APP: variants seen among roughly 807,000 people sequenced by gnomAD.
APP encodes amyloid beta precursor protein.
APP carries 31 observed loss-of-function variants against 101.4 expected under a neutral mutation model. The observed-to-expected ratio is 0.31, with a 90% CI of 0.23 to 0.41. The LOEUF is 0.41. Ranked by LOEUF, APP falls within the 10% of genes least tolerant of loss-of-function variation. APP has a pLI of 1.00. For synonymous variants in APP, 366 were observed against 364.4 expected, an observed-to-expected ratio of 1.00 and a Z score of -0.05; for missense variants, 839 against 1,003.7, an observed-to-expected ratio of 0.84 and a Z score of 2.22.
chr21:26,002,788 T>A (rs1601173010), intron 6 of APP, among the ~76,000 whole-genome samples: 1 of 125,812 alleles, frequency 7.9e-6, no homozygotes. Flanking sequence ...AAAAGTATCA[T>A]CTTAGAGTAC....
intron 16 of APP, among the ~76,000 whole-genome samples, chr21:25,897,057 C>CT (rs573413089): frequency 6.6e-5 from 10 of 152,278 alleles, no homozygotes; most frequent in South Asian, 2.1e-4. Flanking sequence ...ATTAATTCCA[C>CT]TTTAAGTCCC....
At chr21:26,094,260 A>G (rs1275804849) in intron 2 of APP, among the ~76,000 whole-genome samples, 3 of 152,308 alleles carry the variant, frequency 2.0e-5, no homozygotes, top group Non-Finnish European at 4.4e-5. Flanking sequence ...TTTTCCAAAC[A>G]TAATGCAATT....
chr21:26,146,734 A>G (rs923225068), intron 1 of APP, among the ~76,000 whole-genome samples: 1 of 152,186 alleles, frequency 6.6e-6, no homozygotes, highest in Non-Finnish European at 1.5e-5. Context: ...TTTTCATAAT[A>G]AGTTTTCAAA....
intron 8 of APP, among the ~76,000 whole-genome samples, chr21:25,984,358 A>C (rs1168914411): frequency 6.6e-6 from 1 of 152,212 alleles, no homozygotes; most frequent in East Asian, 1.9e-4. Context: ...CAGGATCACA[A>C]AGTGCAACCT....
At chr21:25,964,418 G>GA (rs1377373567) in intron 11 of APP, among the ~76,000 whole-genome samples, 1 of 152,120 alleles carries the variant, frequency 6.6e-6, no homozygotes, top group Non-Finnish European at 1.5e-5. Context: ...AGAAATTGCA[G>GA]AAAGAGGAGA....
chr21:25,885,615 G>A (rs1189672589), intron 17 of APP, among the ~76,000 whole-genome samples: 1 of 152,114 alleles, frequency 6.6e-6, no homozygotes, highest in Non-Finnish European at 1.5e-5. Flanking sequence ...CTCTCGGTAC[G>A]CTGCACCTTC....
intron 17 of APP, among the ~76,000 whole-genome samples, chr21:25,891,465 G>A (rs1039468211): frequency 6.6e-6 from 1 of 151,626 alleles, no homozygotes; most frequent in African/African-American, 2.4e-5. Flanking sequence ...ATTATCATTT[G>A]TATTATTTTG....
chr21:25,964,845 C>T (rs2041729642), intron 11 of APP, among the ~76,000 whole-genome samples: 1 of 152,166 alleles, frequency 6.6e-6, no homozygotes, highest in African/African-American at 2.4e-5. Flanking sequence ...GGTGATCCAC[C>T]CGCCTTGGCC....
intron 3 of APP, among the ~76,000 whole-genome samples, chr21:26,062,586 G>A (rs889989152): frequency 8.0e-5 from 11 of 138,216 alleles, no homozygotes; most frequent in South Asian, 2.5e-4. Flanking sequence ...CGCCTGAGCC[G>A]GGGAAGCAGA....
chr21:25,971,952 C>G (rs1050739529), intron 11 of APP, among the ~76,000 whole-genome samples: 17 of 152,148 alleles, frequency 1.1e-4, no homozygotes, highest in Admixed American at 8.5e-4. Flanking sequence ...ACAAAAACAC[C>G]TAGCATTCAA....
Position 25,905,024 on chromosome 21 carries a change from C to G in APP, c.1963G>C (p.Gly655Arg). The stretch of plus-strand genomic sequence containing the variant: ...GGCACAAGTCAAGCGGTTCTGATAC[C>G]TGGTCGAGTGGTCAGTCCTCGGTCG... ...AADRGLTTRP[G>R]SGLTNIKTEE... The change falls in exon 15 of 18, where the codon GGT becomes CGT. Residue 655 changes from glycine (G) to arginine (R), a missense_variant and splice_region_variant. By Grantham distance (125) the Gly-to-Arg change is moderately radical. Coordinates refer to ENST00000346798, the MANE Select transcript of APP (RefSeq NM_000484.4). The G allele has an allele frequency of 6.2e-7, 1 of 1,613,768 alleles. No homozygotes were observed. Among genetic ancestry groups the G allele is most frequent in the Non-Finnish European group, 8.5e-7 (1 of 1,179,850 alleles).
chr21:25,897,320 T>C lies in APP; in HGVS notation c.2064+253A>G, dbSNP rs142215904. ...TAGTAGAGATGGGGTTTCACCATATTGGCCAGGCTGGTCTCGAATTTCTGA... is the reference window on the plus strand; with the variant it reads ...TAGTAGAGATGGGGTTTCACCATATCGGCCAGGCTGGTCTCGAATTTCTGA... On this transcript the variant is annotated intron_variant, in intron 16 of 17. Coordinates refer to ENST00000346798, the MANE Select transcript of APP (RefSeq NM_000484.4). Among the ~76,000 whole-genome samples, 306 of 152,294 alleles carry C rather than the reference T, an allele frequency of 2.0e-3. 2 individuals are homozygous for C. Among genetic ancestry groups the C allele is most frequent in the African/African-American group, 7.0e-3 (291 of 41,560 alleles).
At chr21:26,019,886 A>G (rs1177251517) in intron 6 of APP, among the ~76,000 whole-genome samples, 1 of 152,242 alleles carries the variant, frequency 6.6e-6, no homozygotes, top group African/African-American at 2.4e-5. Context: ...GTTGTATGAA[A>G]AACACCCTGA....
chr21:26,170,627 C>G lies in APP; in HGVS notation c.-7G>C, dbSNP rs996768661. ...GTGCCAAACCGGGCAGCATCGCGAC[C>G]CTGCGCGGGGCACCGAGTGCGCTGC... On this transcript the variant is annotated 5_prime_UTR_variant, in exon 1 of 18. Coordinates refer to ENST00000346798, the MANE Select transcript of APP (RefSeq NM_000484.4). The G allele has an allele frequency of 6.5e-7, 1 of 1,534,150 alleles. No individual in the cohort carries two copies. The highest frequency in any genetic ancestry group is 1.4e-5 in the African/African-American group (1 of 72,304).
chr21:26,041,662 G>A (rs978434001), intron 5 of APP, among the ~76,000 whole-genome samples: 1 of 151,898 alleles, frequency 6.6e-6, no homozygotes, highest in African/African-American at 2.4e-5. Context: ...TCAGACAGCA[G>A]CAACTCAAGC....
Position 26,158,510 on chromosome 21 carries a change from G to A in APP, c.57+12054C>T, listed in dbSNP as rs779089549. Among the ~76,000 whole-genome samples, 121 of 152,250 alleles carry A rather than the reference G, an allele frequency of 7.9e-4. 1 individual carries two copies. The highest frequency in any genetic ancestry group is 3.1e-4 in the Non-Finnish European group (21 of 68,018). On this transcript the variant is annotated intron_variant, in intron 1 of 17. Coordinates refer to ENST00000346798, the MANE Select transcript of APP (RefSeq NM_000484.4). ...ACATTTACATGCTCCCTTGCATCGA[G>A]GTGTCACTATCTGGCCCATGAGATT...
At chr21:26,021,046 C>CT (rs144287372) in intron 6 of APP, among the ~76,000 whole-genome samples, 10,881 of 101,786 alleles carry the variant, frequency 0.11, 923 homozygotes, top group East Asian at 0.3. Context: ...CTCACCAAAT[C>CT]TTTTTTTTTT....
chr21:25,884,297 CT>C (rs2037182384), intron 17 of APP, among the ~76,000 whole-genome samples: 1 of 152,216 alleles, frequency 6.6e-6, no homozygotes, highest in African/African-American at 2.4e-5. Context: ...CCTCAGCTTA[CT>C]CCAATGACAG....
chr21:25,989,574 C>T (rs888607584), intron 8 of APP, among the ~76,000 whole-genome samples: 7 of 152,264 alleles, frequency 4.6e-5, no homozygotes, highest in Admixed American at 3.9e-4. Context: ...TAAACCAAGG[C>T]TTATGAATGG....
Sources: allele counts gnomAD v4.1 joint callset (sites outside exome capture counted in the v4.1 genomes callset), GRCh38; gene constraint gnomAD v4.1.1; transcripts MANE v1.5; gene names NCBI Gene and HGNC (gene_info 2026-07-23, HGNC 2026-07-21).